SMYD3: variants seen among roughly 807,000 people sequenced by gnomAD.
SMYD3 encodes SET and MYND domain containing 3.
Under a neutral mutation model 57.7 loss-of-function variants are expected in SMYD3, and 36 were observed. The ratio of observed to expected loss-of-function variants is 0.62; its 90% CI spans 0.48 to 0.82. SMYD3 has a LOEUF of 0.82. Among genes scored for constraint, SMYD3 ranks in the 40% least tolerant of loss-of-function variants. SMYD3 has a pLI of 0.00. For synonymous variants in SMYD3, 211 were observed against 195.0 expected (o/e 1.08, Z -0.68); for missense variants, 515 against 538.8 (o/e 0.96, Z 0.44).
At chr1:246,050,872 T>C (rs2060054931) in intron 5 of SMYD3, among the ~76,000 whole-genome samples, 1 of 152,128 alleles carries the variant, frequency 6.6e-6, no homozygotes, top group South Asian at 2.1e-4. Context: ...TTTAATATTG[T>C]CCCTTACTGA....
chr1:245,980,257 C>G (rs1275689622), intron 5 of SMYD3, among the ~76,000 whole-genome samples: 4 of 152,206 alleles, frequency 2.6e-5, no homozygotes, highest in Non-Finnish European at 5.9e-5. Context: ...GGGGTCCAGG[C>G]CTTGGTCACT....
intron 5 of SMYD3, among the ~76,000 whole-genome samples, chr1:246,143,124 AATAC>A (rs2061784392): frequency 1.1e-5 from 1 of 93,778 alleles, no homozygotes. Flanking sequence ...TTGTATATTT[AATAC>A]ACACACACAC....
chr1:246,025,185 A>G lies in SMYD3; in HGVS notation c.532-95248T>C, dbSNP rs866534100. 3.5e-5 allele frequency among the ~76,000 whole-genome samples: 5 copies of G among 141,666 alleles called. No individual in the cohort carries two copies. In the South Asian group the frequency reaches 7.1e-4, roughly 20 times the overall value. 92.9% of individuals were successfully genotyped at this position (141,666 alleles called of 152,430 possible). ...CATCTAGGAAGGAGATACAGGAAGT[A>G]GACAGCATCTAGGAAGACAGATACA... On this transcript the variant is annotated intron_variant, in intron 5 of 11. Coordinates refer to ENST00000490107, the MANE Select transcript of SMYD3 (RefSeq NM_001167740.2).
intron 1 of SMYD3, among the ~76,000 whole-genome samples, chr1:246,438,072 GA>G (rs1305563488): frequency 1.4e-5 from 2 of 147,286 alleles, no homozygotes; most frequent in African/African-American, 4.9e-5. Context: ...ATAGAGGGGG[GA>G]AAAACCCTGT....
intron 5 of SMYD3, among the ~76,000 whole-genome samples, chr1:246,041,147 G>A (rs1228026609): frequency 6.6e-6 from 1 of 152,184 alleles, no homozygotes; most frequent in Non-Finnish European, 1.5e-5. Context: ...CCAGGAGCAA[G>A]AGACGATACT....
intron 5 of SMYD3, among the ~76,000 whole-genome samples, chr1:246,133,343 T>C (rs2061616348): frequency 6.6e-6 from 1 of 152,056 alleles, no homozygotes; most frequent in South Asian, 2.1e-4. Context: ...AAAACATCTA[T>C]TGGTCCAATT....
chr1:245,969,714 C>T (rs545181503), intron 5 of SMYD3, among the ~76,000 whole-genome samples: 2 of 152,158 alleles, frequency 1.3e-5, no homozygotes, highest in African/African-American at 2.4e-5. Flanking sequence ...AGCATTCCTT[C>T]GTGTTGTTTT....
intron 5 of SMYD3, among the ~76,000 whole-genome samples, chr1:246,208,670 C>A (rs1019884852): frequency 4.6e-5 from 7 of 152,150 alleles, no homozygotes; most frequent in Admixed American, 6.5e-5. Flanking sequence ...TAGGCAATCA[C>A]GTTGCATGTC....
chr1:246,221,641 C>G (rs2063256041), intron 5 of SMYD3, among the ~76,000 whole-genome samples: 1 of 152,202 alleles, frequency 6.6e-6, no homozygotes. Context: ...CCAGCCACAG[C>G]CTCACAGAGA....
At position 246,101,064 on chromosome 1, in the gene SMYD3, G is replaced by GTTTTTTTTTTTT; in HGVS notation, c.532-171128_532-171127insAAAAAAAAAAAA. Among the ~76,000 whole-genome samples the GTTTTTTTTTTTT allele has an allele frequency of 2.5e-5, 2 of 78,564 alleles. 1 individual carries two copies. The highest frequency in any genetic ancestry group is 6.1e-5 in the Non-Finnish European group (2 of 32,616). The allele number at this position is 78,564 out of a possible 152,430, so 51.5% of individuals were successfully genotyped here. ...TCACTAGTAATATGTATTTTTAGGG[G>GTTTTTTTTTTTT]TTTTTTGTTTTTTTTTTTTTTTTTT... On this transcript the variant is annotated intron_variant, in intron 5 of 11. Coordinates refer to ENST00000490107, the MANE Select transcript of SMYD3 (RefSeq NM_001167740.2).
chr1:246,422,780 T>A (rs1401487607), intron 1 of SMYD3, among the ~76,000 whole-genome samples: 1 of 152,184 alleles, frequency 6.6e-6, no homozygotes, highest in African/African-American at 2.4e-5. Flanking sequence ...GATTTTTTTT[T>A]AAGATAGCTC....
intron 1 of SMYD3, among the ~76,000 whole-genome samples, chr1:246,399,869 A>C (rs1425765444): frequency 3.3e-5 from 5 of 152,238 alleles, no homozygotes; most frequent in Non-Finnish European, 7.3e-5. Flanking sequence ...CATAAAATTC[A>C]AGCATAGAAA....
chr1:245,950,285 T>G (rs1464491309), intron 5 of SMYD3, among the ~76,000 whole-genome samples: 2 of 152,194 alleles, frequency 1.3e-5, no homozygotes, highest in African/African-American at 4.8e-5. Context: ...ACACTGCCCC[T>G]TGGCTACCAA....
chr1:245,941,247 G>T (rs2057232793), intron 5 of SMYD3, among the ~76,000 whole-genome samples: 1 of 152,144 alleles, frequency 6.6e-6, no homozygotes, highest in African/African-American at 2.4e-5. Context: ...CATAACTCAA[G>T]GTATCATCCA....
At chr1:245,832,394 A>G (rs944661226) in intron 10 of SMYD3, among the ~76,000 whole-genome samples, 4 of 152,116 alleles carry the variant, frequency 2.6e-5, no homozygotes, top group African/African-American at 9.7e-5. Flanking sequence ...TGGGCAGTTA[A>G]GTTTGGGACA....
intron 5 of SMYD3, among the ~76,000 whole-genome samples, chr1:246,075,075 C>T (rs2060524603): frequency 6.6e-6 from 1 of 151,968 alleles, no homozygotes; most frequent in South Asian, 2.1e-4. Flanking sequence ...AAAAAAAATT[C>T]AATCAATGAA....
chr1:246,392,823 A>G (rs1201611464), intron 1 of SMYD3, among the ~76,000 whole-genome samples: 1 of 151,462 alleles, frequency 6.6e-6, no homozygotes, highest in East Asian at 1.9e-4. Context: ...AAAAAACTCA[A>G]TTAGAATAAA....
At chr1:246,501,171 A>G (rs1184078406) in intron 1 of SMYD3, among the ~76,000 whole-genome samples, 1 of 152,204 alleles carries the variant, frequency 6.6e-6, no homozygotes, top group Non-Finnish European at 1.5e-5. Flanking sequence ...GGTGCTAACC[A>G]TATTTTACAA....
intron 8 of SMYD3, among the ~76,000 whole-genome samples, chr1:245,894,418 A>G (rs1160866106): frequency 6.6e-6 from 1 of 152,104 alleles, no homozygotes; most frequent in Non-Finnish European, 1.5e-5. Flanking sequence ...AAACCCGCTC[A>G]GGTCCCCTTC....
Sources: allele counts gnomAD v4.1 joint callset (sites outside exome capture counted in the v4.1 genomes callset), GRCh38; gene constraint gnomAD v4.1.1; transcripts MANE v1.5; gene names NCBI Gene and HGNC (gene_info 2026-07-23, HGNC 2026-07-21).